DPP6: variants seen among roughly 807,000 people sequenced by gnomAD.
DPP6 encodes A-type potassium channel modulatory protein DPP6.
A neutral mutation model predicts 122.6 loss-of-function variants in DPP6; 69 were observed. The observed-to-expected ratio is 0.56, with a 90% confidence interval of 0.46 to 0.69. The LOEUF (loss-of-function observed/expected upper bound fraction) is 0.69, where lower values mean the gene tolerates loss of function less well. DPP6 is among the 30% of genes least tolerant of loss of function. The pLI, the probability that DPP6 is intolerant of heterozygous loss-of-function variation, is 0.00. For synonymous variants in DPP6, 418 were observed against 433.1 expected (o/e 0.97, Z 0.43); for missense variants, 928 against 1,116.9 (o/e 0.83, Z 2.41).
At chr7:153,772,826 G>A in the DPP6 span, among the ~76,000 whole-genome samples, 1 of 146,674 alleles carries the variant, frequency 6.8e-6, no homozygotes, top group South Asian at 2.1e-4. Context: ...CAAGACTTTT[G>A]CCTCTGATAT....
chr7:153,890,421 C>T (rs1307423226), intron 1 of DPP6, among the ~76,000 whole-genome samples: 1 of 152,234 alleles, frequency 6.6e-6, no homozygotes, highest in Non-Finnish European at 1.5e-5. Context: ...TCTGGACCTG[C>T]AGCCTGTTGT....
At chr7:154,680,357 C>T (rs7786229) in intron 7 of DPP6, among the ~76,000 whole-genome samples, 24,574 of 152,202 alleles carry the variant, frequency 0.16, 2,124 homozygotes, top group East Asian at 0.34. Context: ...TCAACAAACA[C>T]ATTCATAACA....
intron 16 of DPP6, among the ~76,000 whole-genome samples, chr7:154,852,857 T>C (rs1171300679): frequency 6.7e-6 from 1 of 150,116 alleles, no homozygotes; most frequent in Non-Finnish European, 1.5e-5. Context: ...TTAGATGGGA[T>C]AGTTGGAGAT....
At chr7:154,473,054 A>G (rs1463420352) in intron 2 of DPP6, among the ~76,000 whole-genome samples, 1 of 152,194 alleles carries the variant, frequency 6.6e-6, no homozygotes, top group Non-Finnish European at 1.5e-5. Flanking sequence ...AGATACCTTA[A>G]GTTGCATGGC....
At chr7:154,767,526 C>G (rs757649158) in intron 8 of DPP6, among the ~76,000 whole-genome samples, 1 of 152,182 alleles carries the variant, frequency 6.6e-6, no homozygotes, top group Non-Finnish European at 1.5e-5. Context: ...TGGAAAATTA[C>G]AGACCCTGGA....
chr7:153,966,008 G>C (rs960069660), intron 1 of DPP6, among the ~76,000 whole-genome samples: 5 of 149,892 alleles, frequency 3.3e-5, no homozygotes. Context: ...TCAGACCCTT[G>C]AGGTTGGCCA....
chr7:154,639,451 T>A (rs1210311813), intron 6 of DPP6, among the ~76,000 whole-genome samples: 2 of 152,234 alleles, frequency 1.3e-5, no homozygotes, highest in East Asian at 3.8e-4. Flanking sequence ...TTGAGATTTA[T>A]CTGCCCCTTC....
chr7:153,927,506 C>T (rs1251706415), intron 1 of DPP6, among the ~76,000 whole-genome samples: 1 of 152,094 alleles, frequency 6.6e-6, no homozygotes, highest in Non-Finnish European at 1.5e-5. Flanking sequence ...ATAAATGAAA[C>T]CATGGCTTCT....
At chr7:153,944,011 A>G (rs1221654182) in intron 1 of DPP6, among the ~76,000 whole-genome samples, 1 of 152,158 alleles carries the variant, frequency 6.6e-6, no homozygotes, top group Non-Finnish European at 1.5e-5. Context: ...TTCCCCACTT[A>G]GGCAAATGAG....
At chr7:154,759,450 C>T (rs560860791) in intron 8 of DPP6, among the ~76,000 whole-genome samples, 9 of 152,318 alleles carry the variant, frequency 5.9e-5, no homozygotes, top group East Asian at 3.9e-4. Context: ...CAAGGGGCAG[C>T]GGCAATAGGA....
intron 1 of DPP6, among the ~76,000 whole-genome samples, chr7:153,976,158 G>A (rs1169877224): frequency 1.3e-5 from 2 of 152,038 alleles, no homozygotes; most frequent in Non-Finnish European, 2.9e-5. Flanking sequence ...TGAAGGAGAG[G>A]GTGTACTGCA....
At chr7:153,802,313 C>T in the DPP6 span, among the ~76,000 whole-genome samples, 137 of 152,322 alleles carry the variant, frequency 9.0e-4, no homozygotes, top group Middle Eastern at 3.4e-3. Flanking sequence ...AATCCCAAAA[C>T]CAGCGCTCAC....
intron 3 of DPP6, among the ~76,000 whole-genome samples, chr7:154,477,586 G>T (rs1021913479): frequency 6.6e-6 from 1 of 152,082 alleles, no homozygotes; most frequent in African/African-American, 2.4e-5. Flanking sequence ...GATGTTTCTG[G>T]AGGAACGTGT....
chr7:154,875,856 C>T lies in DPP6; in HGVS notation c.1884-50C>T. 1 of 1,564,448 alleles carries T rather than the reference C, an allele frequency of 6.4e-7. No homozygotes were observed. The highest frequency in any genetic ancestry group is 1.2e-5 in the South Asian group (1 of 85,484). On this transcript the variant is annotated intron_variant, in intron 19 of 25. Coordinates refer to ENST00000377770, the MANE Select transcript of DPP6 (RefSeq NM_130797.4). This position sits in a 1 kb window ranked among gnomAD's most constrained non-coding sequence, Gnocchi z 4.5. ...TCTGACGTGGCAGCTGCTAGACCAG[C>T]CGCCACCCACCACGCAGCAGGCCTG...
At chr7:153,928,271 G>T (rs985726372) in intron 1 of DPP6, among the ~76,000 whole-genome samples, 1 of 150,672 alleles carries the variant, frequency 6.6e-6, no homozygotes, top group Non-Finnish European at 1.5e-5. Flanking sequence ...GAGTTCAGTG[G>T]CACGATCTTG....
chr7:153,902,049 A>C (rs554636630), intron 1 of DPP6, among the ~76,000 whole-genome samples: 6 of 152,368 alleles, frequency 3.9e-5, no homozygotes, highest in Middle Eastern at 6.8e-3. Context: ...TCCAACCTAG[A>C]AATCCTCTCC....
chr7:154,548,069 C>A (rs929064669), intron 4 of DPP6, among the ~76,000 whole-genome samples: 2 of 151,646 alleles, frequency 1.3e-5, no homozygotes, highest in Non-Finnish European at 2.9e-5. Context: ...ATTAGTGTGG[C>A]GTGGTGGCAG....
At chr7:154,016,033 C>T (rs1434096343) in intron 1 of DPP6, among the ~76,000 whole-genome samples, 1 of 152,180 alleles carries the variant, frequency 6.6e-6, no homozygotes. Flanking sequence ...ACGTTCTATT[C>T]CTCGAATATA....
chr7:154,302,232 C>T (rs1233040750), intron 1 of DPP6, among the ~76,000 whole-genome samples: 1 of 152,138 alleles, frequency 6.6e-6, no homozygotes, highest in Non-Finnish European at 1.5e-5. Flanking sequence ...CTTTTGCCTC[C>T]GTGAGTTTGG....
Sources: allele counts gnomAD v4.1 joint callset (sites outside exome capture counted in the v4.1 genomes callset), GRCh38; gene constraint gnomAD v4.1.1; non-coding constraint Gnocchi (gnomAD v3.1); transcripts MANE v1.5; gene names NCBI Gene and HGNC (gene_info 2026-07-23, HGNC 2026-07-21).